Variants in SQLE observed in about 807,000 individuals in gnomAD.
The protein encoded by SQLE is squalene epoxidase.
A neutral mutation model predicts 60.7 loss-of-function variants in SQLE; 29 were observed. The observed-to-expected ratio is 0.48, with a 90% confidence interval of 0.36 to 0.65. The LOEUF is 0.65. Ranked by LOEUF, SQLE falls within the 30% of genes least tolerant of loss-of-function variation. SQLE has a pLI of 0.00. For missense variants in SQLE, 605 were observed against 684.1 expected (o/e 0.88, Z 1.29); for synonymous variants, 237 against 246.8 (o/e 0.96, Z 0.37).
At chr8:125,006,501 G>A (rs1398686034) in intron 3 of SQLE, among the ~76,000 whole-genome samples, 2 of 151,246 alleles carry the variant, frequency 1.3e-5, no homozygotes, top group African/African-American at 4.9e-5. Flanking sequence ...CGCACCTGCA[G>A]TCCCAGCTAC....
chr8:125,022,172 G>A lies in SQLE; in HGVS notation c.*227G>A. 3.2e-6 allele frequency: 1 copy of A among 312,274 alleles called. No homozygotes were observed. Among genetic ancestry groups the A allele is most frequent in the Non-Finnish European group, 5.8e-6 (1 of 172,294 alleles). The allele number at this position is 312,274 out of a possible 1,614,324, so 19.3% of individuals were successfully genotyped here. A position where few individuals can be genotyped will look rare whatever the true frequency, so the allele number is the denominator to read the frequency against. On this transcript the variant is annotated 3_prime_UTR_variant, in exon 11 of 11. Coordinates refer to ENST00000265896, the MANE Select transcript of SQLE (RefSeq NM_003129.4). ...GGTTAAATAAGTTAGACATTTAAAA[G>A]AAATGATTGTTACCATAAATTAGTG...
intron 1 of SQLE, 36 bp from the exon 2 acceptor site, chr8:125,003,140 T>G: frequency 6.5e-7 from 1 of 1,547,004 alleles, no homozygotes; most frequent in South Asian, 1.2e-5. Flanking sequence ...ATCTAACAAA[T>G]TTGGATACCT....
chr8:125,022,019 A>G lies in SQLE; in HGVS notation c.*74A>G. The stretch of plus-strand genomic sequence containing the variant: ...CTAAGAGACTTTTGGAAGAGGATAT[A>G]TATAGCATAGTACCATACCACTTAT... On this transcript the variant is annotated 3_prime_UTR_variant, in exon 11 of 11. Coordinates refer to ENST00000265896, the MANE Select transcript of SQLE (RefSeq NM_003129.4). The G allele has an allele frequency of 5.1e-6, 6 of 1,176,428 alleles. No individual in the cohort carries two copies. The highest frequency in any genetic ancestry group is 7.1e-6 in the Non-Finnish European group (6 of 850,598). 72.9% of individuals were successfully genotyped at this position (1,176,428 alleles called of 1,614,324 possible).
At chr8:125,017,010 G>C (rs1009526485) in intron 7 of SQLE, among the ~76,000 whole-genome samples, 1 of 152,102 alleles carries the variant, frequency 6.6e-6, no homozygotes, top group African/African-American at 2.4e-5. Context: ...GAGCTGTGGG[G>C]GACGGGTGAC....
Position 125,003,207 on chromosome 8 carries a change from G to C in SQLE, c.323G>C (p.Ser108Thr), listed in dbSNP as rs1814889401. ...RRKGTNISET[S>T]LIGTAACTST... ...AAAGGAACCAATATTTCAGAAACAAGCTTAATAGGAACAGCTGCCTGTACA... is the reference window on the plus strand; with the variant it reads ...AAAGGAACCAATATTTCAGAAACAACCTTAATAGGAACAGCTGCCTGTACA... Residue 108 changes from serine (S) to threonine (T), a missense_variant, in exon 2 of 11, where the codon AGC becomes ACC. By Grantham distance (58) the Ser-to-Thr change is moderately conservative. Transcript: ENST00000265896. The C allele has an allele frequency of 6.2e-7, 1 of 1,612,602 alleles. No homozygotes were observed. Among genetic ancestry groups the C allele is most frequent in the East Asian group, 2.2e-5 (1 of 44,854 alleles).
At position 124,999,543 on chromosome 8, in the gene SQLE, G is replaced by A. The variant is rs1344535286; in HGVS notation, c.140G>A (p.Arg47His). The A allele has an allele frequency of 2.5e-6, 4 of 1,613,038 alleles. No homozygotes were observed. Among genetic ancestry groups the A allele is most frequent in the Non-Finnish European group, 3.4e-6 (4 of 1,179,492 alleles). The change falls in exon 1 of 11, where the codon CGC becomes CAC. Residue 47 changes from arginine (R) to histidine (H), a missense_variant. Coordinates refer to ENST00000265896, the MANE Select transcript of SQLE (RefSeq NM_003129.4). ...SLGLVLSYRC[R>H]HRNGGLLGRQ... ...GGCCTGGTGCTCTCCTACCGCTGTC[G>A]CCACCGAAACGGGGGTCTCCTCGGG...
intron 6 of SQLE, 82 bp downstream of exon 6, chr8:125,009,425 C>T (rs1290547309): frequency 2.3e-6 from 3 of 1,285,694 alleles, no homozygotes; most frequent in African/African-American, 3.0e-5. Flanking sequence ...AACATTCATC[C>T]AGTCAACCAG....
chr8:125,011,248 CCT>C (rs921793123), intron 6 of SQLE: 2 of 210,646 alleles, frequency 9.5e-6, no homozygotes, highest in African/African-American at 2.3e-5. Flanking sequence ...TGGTTTTCTC[CCT>C]GTTTCATTTC....
Position 125,018,674 on chromosome 8 carries a change from T to C in SQLE, c.1391T>C (p.Phe464Ser). Reference sequence around the variant, plus strand: ...TGGGCAAGAAAAACATCTCATTCCTTTGTCGTGAATATCCTTGCTCAGGCT... The same window carrying C: ...TGGGCAAGAAAAACATCTCATTCCTCTGTCGTGAATATCCTTGCTCAGGCT... Reference protein sequence around the residue: ...FYWARKTSHSFVVNILAQALY... With the variant: ...FYWARKTSHSSVVNILAQALY... Residue 464 changes from phenylalanine (F) to serine (S), a missense_variant, in exon 9 of 11, where the codon TTT becomes TCT. Phe to Ser is a radical substitution (Grantham distance 155). Coordinates refer to ENST00000265896, the MANE Select transcript of SQLE (RefSeq NM_003129.4). 6.2e-7 allele frequency: 1 copy of C among 1,607,118 alleles called. No individual in the cohort carries two copies. Among genetic ancestry groups the C allele is most frequent in the Non-Finnish European group, 8.5e-7 (1 of 1,178,212 alleles).
At chr8:125,017,810 A>G in intron 7 of SQLE, 1 of 474,040 alleles carries the variant, frequency 2.1e-6, no homozygotes, top group African/African-American at 2.0e-5. Flanking sequence ...TATGAGCTTC[A>G]TGAGGGCAGA....
At chr8:125,009,740 C>T (rs990041508) in intron 6 of SQLE, among the ~76,000 whole-genome samples, 2 of 151,868 alleles carry the variant, frequency 1.3e-5, no homozygotes, top group Non-Finnish European at 2.9e-5. Context: ...TTGTAGTGAG[C>T]CGAGATCGTG....
intron 2 of SQLE, among the ~76,000 whole-genome samples, chr8:125,004,106 A>C (rs975131527): frequency 2.6e-5 from 4 of 152,190 alleles, no homozygotes; most frequent in Non-Finnish European, 5.9e-5. Flanking sequence ...CCATATTTGA[A>C]CATTTTATGT....
At chr8:125,006,764 T>G (rs1425638202) in intron 3 of SQLE, among the ~76,000 whole-genome samples, 3 of 150,992 alleles carry the variant, frequency 2.0e-5, no homozygotes, top group Admixed American at 1.3e-4. Flanking sequence ...GAGGGCAGTG[T>G]TGCAATCTCG....
chr8:125,021,207 C>T (rs1216313936), intron 10 of SQLE, among the ~76,000 whole-genome samples: 2 of 152,078 alleles, frequency 1.3e-5, no homozygotes, highest in East Asian at 3.9e-4. Flanking sequence ...CATTGAAGTA[C>T]GGGGACTTAT....
intron 9 of SQLE, among the ~76,000 whole-genome samples, chr8:125,019,364 C>T (rs1815164471): frequency 1.3e-5 from 2 of 151,796 alleles, no homozygotes; most frequent in African/African-American, 4.8e-5. Context: ...GCAGGAGGAT[C>T]GCTTAAAGCC....
intron 1 of SQLE, among the ~76,000 whole-genome samples, chr8:125,001,292 T>C (rs1279923397): frequency 6.6e-6 from 1 of 152,140 alleles, no homozygotes; most frequent in Non-Finnish European, 1.5e-5. Flanking sequence ...GCAATCAATA[T>C]TGGTTCCATT....
intron 7 of SQLE, among the ~76,000 whole-genome samples, chr8:125,017,556 T>G (rs773672421): frequency 5.3e-5 from 8 of 152,158 alleles, no homozygotes; most frequent in Admixed American, 1.3e-4. Context: ...AAAAATGCTG[T>G]CCAGGTGCCA....
intron 10 of SQLE, 107 bp downstream of exon 10, chr8:125,020,978 T>A (rs570536590): frequency 4.1e-6 from 3 of 738,288 alleles, no homozygotes; most frequent in African/African-American, 1.8e-5. Context: ...GATATTTTAT[T>A]ATCTGTTAGT....
Position 124,999,135 on chromosome 8 carries a change from G to A in SQLE, c.-269G>A, listed in dbSNP as rs919026887. On this transcript the variant is annotated 5_prime_UTR_variant, in exon 1 of 11. Coordinates refer to ENST00000265896, the MANE Select transcript of SQLE (RefSeq NM_003129.4). Reference sequence around the variant, plus strand: ...AATATCTGGATTTCCTGGGCGAGGAGGAGCGAGTCTGCTCGGGAGCTGTTC... The same window carrying A: ...AATATCTGGATTTCCTGGGCGAGGAAGAGCGAGTCTGCTCGGGAGCTGTTC... The A allele has an allele frequency of 2.1e-5, 8 of 376,884 alleles. No individual in the cohort carries two copies. Among genetic ancestry groups the A allele is most frequent in the Non-Finnish European group, 2.8e-5 (6 of 213,328 alleles). 23.3% of individuals were successfully genotyped at this position (376,884 alleles called of 1,614,324 possible). A position where few individuals can be genotyped will look rare whatever the true frequency, so the allele number is the denominator to read the frequency against.
Sources: allele counts gnomAD v4.1 joint callset (sites outside exome capture counted in the v4.1 genomes callset), GRCh38; gene constraint gnomAD v4.1.1; transcripts MANE v1.5; gene names NCBI Gene and HGNC (gene_info 2026-07-23, HGNC 2026-07-21).